The following LRRC4C variants were observed in gnomAD, a reference collection of about 807,000 sequenced individuals.
The protein encoded by LRRC4C is leucine-rich repeat-containing protein 4C.
LRRC4C carries 5 observed loss-of-function variants against 33.6 expected under a neutral mutation model. That is an observed-to-expected ratio of 0.15 (90% CI 0.08 to 0.31). LRRC4C has a LOEUF of 0.31. Ranked by LOEUF, LRRC4C falls within the 10% of genes least tolerant of loss-of-function variation. LRRC4C has a pLI of 1.00. For synonymous variants in LRRC4C, 329 were observed against 302.0 expected, an observed-to-expected ratio of 1.09 and a Z score of -0.93; for missense variants, 560 against 796.7, an observed-to-expected ratio of 0.70 and a Z score of 3.58.
In LRRC4C at chr11:41,381,922, G is replaced by GTA. The variant is rs35141780; in HGVS notation, c.-496+77507_-496+77508dup. Among the ~76,000 whole-genome samples the GTA allele has an allele frequency of 2.2e-3, 326 of 149,818 alleles. 1 individual carries two copies. The highest frequency in any genetic ancestry group is 3.9e-3 in the Non-Finnish European group (262 of 67,512). ...GCCAATTCAGCAGATATATGTGTTT[G>GTA]TATATATATATGCATATATATAATC... On this transcript the variant is annotated intron_variant, in intron 1 of 6. Transcript: ENST00000528697.
chr11:41,012,690 A>T (rs1218457292), intron 1 of LRRC4C, among the ~76,000 whole-genome samples: 2 of 152,204 alleles, frequency 1.3e-5, no homozygotes, highest in Middle Eastern at 3.2e-3. Flanking sequence ...GAACTAATTT[A>T]CATTTTCACC....
intron 1 of LRRC4C, among the ~76,000 whole-genome samples, chr11:41,444,998 T>C (rs1955774592): frequency 6.6e-6 from 1 of 151,894 alleles, no homozygotes; most frequent in Non-Finnish European, 1.5e-5. Flanking sequence ...AGACAGGGTT[T>C]CTTCATGTTG....
intron 1 of LRRC4C, among the ~76,000 whole-genome samples, chr11:41,330,634 G>T (rs1286342019): frequency 1.3e-5 from 2 of 152,042 alleles, no homozygotes; most frequent in East Asian, 3.9e-4. Context: ...GTGTAGTGGT[G>T]CAATCTTGCT....
At chr11:40,421,957 G>T (rs1013337082) in intron 3 of LRRC4C, among the ~76,000 whole-genome samples, 1 of 152,230 alleles carries the variant, frequency 6.6e-6, no homozygotes, top group African/African-American at 2.4e-5. Context: ...TTGCGGAGTT[G>T]AAACCGTGTT....
intron 2 of LRRC4C, among the ~76,000 whole-genome samples, chr11:40,798,386 G>A: frequency 6.6e-6 from 1 of 152,100 alleles, no homozygotes; most frequent in East Asian, 1.9e-4. Flanking sequence ...CTGAATTTTG[G>A]CCATAGGGGA....
intron 4 of LRRC4C, among the ~76,000 whole-genome samples, chr11:40,315,411 A>T (rs1945527945): frequency 6.6e-6 from 1 of 151,920 alleles, no homozygotes; most frequent in East Asian, 1.9e-4. Context: ...TATTACCCTC[A>T]TATAATACTA....
intron 1 of LRRC4C, among the ~76,000 whole-genome samples, chr11:40,965,652 C>G (rs190432360): frequency 3.6e-4 from 55 of 152,182 alleles, no homozygotes; most frequent in Middle Eastern, 6.8e-3. Flanking sequence ...TTGTTTTTGT[C>G]AGATTTGTCA....
chr11:40,758,299 T>A (rs983312031), intron 2 of LRRC4C, among the ~76,000 whole-genome samples: 1 of 151,958 alleles, frequency 6.6e-6, no homozygotes, highest in Non-Finnish European at 1.5e-5. Flanking sequence ...TGACTCTGAG[T>A]CTTTGGGATT....
At chr11:41,317,736 G>T (rs1208237567) in intron 1 of LRRC4C, among the ~76,000 whole-genome samples, 5 of 152,086 alleles carry the variant, frequency 3.3e-5, no homozygotes, top group Admixed American at 3.3e-4. Flanking sequence ...TGGTTTGAGG[G>T]ATTTTTCCTC....
chr11:40,114,201 TTGTC>T, downstream of LRRC4C: 1 of 708,528 alleles, frequency 1.4e-6, no homozygotes, highest in Non-Finnish European at 2.2e-6. Context: ...ACACATAATT[TTGTC>T]TGCTTTAGAT....
At chr11:41,109,642 C>G (rs559292604) in intron 1 of LRRC4C, among the ~76,000 whole-genome samples, 50 of 151,966 alleles carry the variant, frequency 3.3e-4, no homozygotes, top group African/African-American at 1.1e-3. Context: ...CTAAAAAGTG[C>G]GTAACGGAAC....
At chr11:40,814,321 C>G (rs1480301083) in intron 2 of LRRC4C, among the ~76,000 whole-genome samples, 1 of 152,164 alleles carries the variant, frequency 6.6e-6, no homozygotes, top group Non-Finnish European at 1.5e-5. Flanking sequence ...GGCTTGCACC[C>G]TCTGAAGCCA....
intron 1 of LRRC4C, among the ~76,000 whole-genome samples, chr11:41,214,575 C>CAAAAAAAAAA (rs547167050): frequency 0.022 from 753 of 34,454 alleles, 25 homozygotes; most frequent in African/African-American, 0.037. Context: ...ACTAAAAATA[C>CAAAAAAAAAA]AAAAAAAAAA....
At chr11:40,120,663 C>G (rs747307782) in intron 6 of LRRC4C, among the ~76,000 whole-genome samples, 1 of 152,114 alleles carries the variant, frequency 6.6e-6, no homozygotes, top group Non-Finnish European at 1.5e-5. Context: ...CCCCATAGCC[C>G]TTCTCAGAAT....
At position 40,452,365 on chromosome 11, in the gene LRRC4C, G is replaced by C. The variant is rs552710605; in HGVS notation, c.-269-132644C>G. On this transcript the variant is annotated intron_variant, in intron 3 of 6. Transcript: ENST00000528697. ...AACAAACAACCCCATCAAAAAGTGG[G>C]TGAAGGATATGAACAGACACTTCTC... Among the ~76,000 whole-genome samples, 15 of 152,268 alleles carry C rather than the reference G, an allele frequency of 9.9e-5. 1 individual carries two copies. Among genetic ancestry groups the C allele is most frequent in the South Asian group, 4.1e-4 (2 of 4,824 alleles).
chr11:41,283,641 A>G (rs1949736297), intron 1 of LRRC4C, among the ~76,000 whole-genome samples: 1 of 152,240 alleles, frequency 6.6e-6, no homozygotes, highest in South Asian at 2.1e-4. Context: ...ACATCTTGTC[A>G]ATAGCCACTG....
At chr11:41,068,614 C>A (rs1938440714) in intron 1 of LRRC4C, among the ~76,000 whole-genome samples, 1 of 152,046 alleles carries the variant, frequency 6.6e-6, no homozygotes, top group Non-Finnish European at 1.5e-5. Context: ...ACTAGAAAAT[C>A]TAAAAGAAAT....
chr11:40,911,785 T>A (rs1956708267), intron 2 of LRRC4C, among the ~76,000 whole-genome samples: 1 of 152,034 alleles, frequency 6.6e-6, no homozygotes, highest in Admixed American at 6.6e-5. Flanking sequence ...GGCAAAGAAG[T>A]TAAAAACCTT....
intron 2 of LRRC4C, among the ~76,000 whole-genome samples, chr11:40,926,143 C>A (rs780374608): frequency 2.6e-5 from 4 of 151,660 alleles, no homozygotes; most frequent in Non-Finnish European, 4.4e-5. Flanking sequence ...TGCATGTTTT[C>A]TTTGGCCTTT....
Sources: allele counts gnomAD v4.1 joint callset (sites outside exome capture counted in the v4.1 genomes callset), GRCh38; gene constraint gnomAD v4.1.1; transcripts MANE v1.5; gene names NCBI Gene and HGNC (gene_info 2026-07-23, HGNC 2026-07-21).